Variants in CFLAR observed in about 807,000 individuals in gnomAD.
CFLAR encodes the protein CASP8 and FADD-like apoptosis regulator.
In CFLAR, 14 loss-of-function variants were observed where a neutral mutation model predicts 51.1. The ratio of observed to expected loss-of-function variants is 0.27; its 90% CI spans 0.18 to 0.43. CFLAR has a LOEUF of 0.43. Ranked by LOEUF, CFLAR falls within the 20% of genes least tolerant of loss-of-function variation. The pLI, the probability that CFLAR is intolerant of heterozygous loss-of-function variation, is 1.00. For missense variants in CFLAR, 390 were observed against 566.5 expected (o/e 0.69, Z 3.16); for synonymous variants, 210 against 211.6 (o/e 0.99, Z 0.06).
At chr2:201,121,464 G>A (rs573013440) in intron 1 of CFLAR, among the ~76,000 whole-genome samples, 2 of 152,304 alleles carry the variant, frequency 1.3e-5, no homozygotes, top group East Asian at 1.9e-4. Context: ...TGAGAAACTA[G>A]GGGACAGATG....
chr2:201,159,688 G>A (rs1184239720), intron 8 of CFLAR, among the ~76,000 whole-genome samples: 1 of 152,140 alleles, frequency 6.6e-6, no homozygotes, highest in Non-Finnish European at 1.5e-5. Context: ...CGATAGGAAA[G>A]GTCAAAGGAC....
At chr2:201,127,190 T>C (rs1210405238) in intron 1 of CFLAR, among the ~76,000 whole-genome samples, 1 of 152,128 alleles carries the variant, frequency 6.6e-6, no homozygotes, top group Non-Finnish European at 1.5e-5. Flanking sequence ...GAGGATTGGG[T>C]ATTTGAAAGC....
intron 4 of CFLAR, chr2:201,139,422 A>T (rs1292351970): frequency 5.4e-6 from 1 of 186,234 alleles, no homozygotes; most frequent in Non-Finnish European, 1.1e-5. Flanking sequence ...GACACCCATA[A>T]AGGGTCTGTG....
chr2:201,172,903 G>A lies in CFLAR; in HGVS notation c.*8930G>A, dbSNP rs1320819054. The A allele has an allele frequency of 1.2e-4, 18 of 152,038 alleles. No individual in the cohort carries two copies. Among genetic ancestry groups the A allele is most frequent in the Non-Finnish European group, 1.2e-4 (8 of 68,004 alleles). The allele number at this position is 152,038 out of a possible 1,614,324, so 9.4% of individuals were successfully genotyped here. A position where few individuals can be genotyped will look rare whatever the true frequency, so the allele number is the denominator to read the frequency against. On this transcript the variant is annotated 3_prime_UTR_variant, in exon 10 of 10. Transcript: ENST00000309955. ...TGGATATATGTTTTCAGTTCTTCTG[G>A]GCATATACCTTAGAAGTGAGAGTGC...
intron 1 of CFLAR, among the ~76,000 whole-genome samples, chr2:201,126,454 G>C (rs908358707): frequency 1.3e-5 from 2 of 152,214 alleles, no homozygotes; most frequent in Non-Finnish European, 2.9e-5. Context: ...TTGCGGAAGG[G>C]CTGCCAGTGA....
chr2:201,140,764 T>TATATATATATAC (rs1486106174), intron 5 of CFLAR: 1 of 102,982 alleles, frequency 9.7e-6, no homozygotes, highest in East Asian at 1.9e-4. Flanking sequence ...TGTATGTATA[T>TATATATATATAC]ATATATATAT....
intron 8 of CFLAR, among the ~76,000 whole-genome samples, chr2:201,156,953 T>C (rs1271771784): frequency 6.6e-6 from 1 of 152,194 alleles, no homozygotes; most frequent in Non-Finnish European, 1.5e-5. Context: ...CTCTGTCTGC[T>C]CTGAGCCCAT....
intron 1 of CFLAR, among the ~76,000 whole-genome samples, chr2:201,123,767 G>A (rs1244484028): frequency 1.3e-5 from 2 of 152,196 alleles, no homozygotes; most frequent in Non-Finnish European, 2.9e-5. Context: ...AATGGAGGGG[G>A]AAGGTGAATT....
rs371458989 is a variant in CFLAR at position 201,141,370 on chromosome 2, A to T, written c.606+931A>T. 1.9e-6 allele frequency: 3 copies of T among 1,556,254 alleles called. No individual in the cohort carries two copies. In the East Asian group the frequency reaches 7.1e-5, roughly 37 times the overall value. ...TTTCATTTTTGCTTTTTTCTCTTCT[A>T]CAGATGATAACACCCTATGCCCATT... On this transcript the variant is annotated intron_variant, in intron 5 of 9. Coordinates refer to ENST00000309955, the MANE Select transcript of CFLAR (RefSeq NM_003879.7).
At chr2:201,149,085 T>C (rs1940801814) in intron 7 of CFLAR, 33 bp downstream of exon 7, 5 of 1,414,400 alleles carry the variant, frequency 3.5e-6, no homozygotes, top group Non-Finnish European at 5.0e-6. Context: ...TGGTATTATA[T>C]GTACATAGCT....
intron 3 of CFLAR, among the ~76,000 whole-genome samples, chr2:201,134,209 A>G (rs10804110): frequency 0.65 from 98,888 of 151,562 alleles, 32,955 homozygotes; most frequent in African/African-American, 0.79. Context: ...ACAGGAGGTG[A>G]AGGCAGGAGA....
At position 201,168,067 on chromosome 2, in the gene CFLAR, C is replaced by A. The variant is rs1943762243; in HGVS notation, c.*4094C>A. 2 of 152,148 alleles carry A rather than the reference C, an allele frequency of 1.3e-5. No individual in the cohort carries two copies. The highest frequency in any genetic ancestry group is 4.1e-4 in the South Asian group (2 of 4,828). The allele number at this position is 152,148 out of a possible 1,614,324, so 9.4% of individuals were successfully genotyped here. ...GACCATCCTGGCTAACATGTAAAACCCCGTCTCTACTAAAAATACAAAAAA... is the reference window on the plus strand; with the variant it reads ...GACCATCCTGGCTAACATGTAAAACACCGTCTCTACTAAAAATACAAAAAA... On this transcript the variant is annotated 3_prime_UTR_variant, in exon 10 of 10. Coordinates refer to ENST00000309955, the MANE Select transcript of CFLAR (RefSeq NM_003879.7).
rs970711824 is a variant in CFLAR at position 201,138,849 on chromosome 2, A to G, written c.524-1508A>G. The G allele has an allele frequency of 1.2e-5, 9 of 729,624 alleles. No homozygotes were observed. The African/African-American group carries it at 1.6e-4, about 13-fold the overall frequency. 45.2% of individuals were successfully genotyped at this position (729,624 alleles called of 1,614,324 possible). On this transcript the variant is annotated intron_variant, in intron 4 of 9. Transcript: ENST00000309955. This position sits in a 1 kb window ranked among gnomAD's most constrained non-coding sequence, Gnocchi z 4.0. ...CAGGTCGGCCTCTGTCACAGTGTCC[A>G]TGGGGGAGGAGATCAGCGGCGTCTT...
chr2:201,137,588 C>T (rs546849143), intron 4 of CFLAR: 3 of 742,280 alleles, frequency 4.0e-6, no homozygotes, highest in East Asian at 2.5e-5. Flanking sequence ...TGGTCTGCTT[C>T]TCAAACTTGA....
At position 201,166,143 on chromosome 2, in the gene CFLAR, C is replaced by A. The variant is rs1229791775; in HGVS notation, c.*2170C>A. On this transcript the variant is annotated 3_prime_UTR_variant, in exon 10 of 10. Coordinates refer to ENST00000309955, the MANE Select transcript of CFLAR (RefSeq NM_003879.7). ...GCTGGGCAGAGGGGCTCCTCACTTC[C>A]CAGATGGGGCGGCCAGGCGGACGCG... The A allele has an allele frequency of 6.0e-6, 1 of 165,640 alleles. No homozygotes were observed. The highest frequency in any genetic ancestry group is 2.4e-5 in the African/African-American group (1 of 40,996). 10.3% of individuals were successfully genotyped at this position (165,640 alleles called of 1,614,324 possible).
intron 5 of CFLAR, chr2:201,143,615 C>T (rs1177524170): frequency 2.6e-5 from 4 of 152,082 alleles, no homozygotes; most frequent in Admixed American, 1.3e-4. Flanking sequence ...TGCAGAAGTG[C>T]TTCAAAAATT....
intron 1 of CFLAR, among the ~76,000 whole-genome samples, chr2:201,123,541 C>T (rs2048389360): frequency 6.6e-6 from 1 of 152,090 alleles, no homozygotes; most frequent in South Asian, 2.1e-4. Context: ...TTATCAGCCC[C>T]CTTTATAAGG....
rs1028768116 is a variant in CFLAR at position 201,130,138 on chromosome 2, G to C, written c.273G>C (p.Ser91=). 1 of 1,331,096 alleles carries C rather than the reference G, an allele frequency of 7.5e-7. No homozygotes were observed. Among genetic ancestry groups the C allele is most frequent in the Non-Finnish European group, 1.0e-6 (1 of 1,002,202 alleles). 82.5% of individuals were successfully genotyped at this position (1,331,096 alleles called of 1,614,324 possible). Residue 91 remains serine (S), a synonymous_variant, in exon 2 of 10, where the codon TCG becomes TCC. Transcript: ENST00000309955. Reference sequence around the variant, plus strand: ...TGCTCAGGAACCCTCACCTTGTTTCGGACTATAGGTAATTCATCAACTCTT... The same window carrying C: ...TGCTCAGGAACCCTCACCTTGTTTCCGACTATAGGTAATTCATCAACTCTT... The part of the protein sequence containing the change: ...THLLRNPHLV[S]DYRVLMAEIG...
intron 8 of CFLAR, among the ~76,000 whole-genome samples, chr2:201,155,772 C>T (rs924269512): frequency 2.0e-5 from 3 of 152,000 alleles, no homozygotes; most frequent in African/African-American, 4.8e-5. Context: ...TACACACAGG[C>T]GCCACCACAT....
Sources: gnomAD v4.1 joint callset for allele counts (sites outside exome capture counted in the v4.1 genomes callset) on GRCh38, gnomAD v4.1.1 for gene constraint, Gnocchi (gnomAD v3.1) non-coding constraint, MANE v1.5 for transcripts, NCBI Gene and HGNC (gene_info 2026-07-23, HGNC 2026-07-21) for gene names.